Variants in INO80D observed in about 807,000 individuals in gnomAD.
INO80D encodes INO80 complex subunit D.
Under a neutral mutation model 87.6 loss-of-function variants are expected in INO80D, and 21 were observed. The observed-to-expected ratio is 0.24, with a 90% CI of 0.17 to 0.35. INO80D has a LOEUF of 0.35. Ranked by LOEUF, INO80D falls within the 10% of genes least tolerant of loss-of-function variation. INO80D has a pLI of 1.00. For synonymous variants in INO80D, 440 were observed against 491.0 expected (o/e 0.90, Z 1.37); for missense variants, 982 against 1,280.7 (o/e 0.77, Z 3.56).
At chr2:206,029,438 G>A (rs889497192) in intron 5 of INO80D, among the ~76,000 whole-genome samples, 1 of 152,180 alleles carries the variant, frequency 6.6e-6, no homozygotes. Context: ...ACTTTTTACC[G>A]TTAGGAATAA....
chr2:206,016,478 C>A (rs1048123521), intron 8 of INO80D, among the ~76,000 whole-genome samples: 2 of 152,142 alleles, frequency 1.3e-5, no homozygotes, highest in Admixed American at 6.5e-5. Context: ...AGACTTTGGA[C>A]TGTGGACTTT....
At chr2:206,080,825 C>G (rs1296156891) in intron 1 of INO80D, among the ~76,000 whole-genome samples, 1 of 145,154 alleles carries the variant, frequency 6.9e-6, no homozygotes, top group Non-Finnish European at 1.5e-5. Flanking sequence ...ATGGCGTGAA[C>G]CCGGGAGGTG....
intron 1 of INO80D, among the ~76,000 whole-genome samples, chr2:206,078,362 A>G (rs943338853): frequency 2.0e-5 from 3 of 152,164 alleles, no homozygotes; most frequent in African/African-American, 7.2e-5. Flanking sequence ...GATTGCAGTG[A>G]GCTGAGATCG....
At chr2:206,009,450 A>C in intron 9 of INO80D, 127 bp downstream of exon 9, 1 of 745,104 alleles carries the variant, frequency 1.3e-6, no homozygotes, top group Non-Finnish European at 2.1e-6. Flanking sequence ...TATTTAAAAA[A>C]TCTAGGCTGA....
chr2:206,065,918 G>A (rs750233172), intron 1 of INO80D, among the ~76,000 whole-genome samples: 2 of 152,112 alleles, frequency 1.3e-5, no homozygotes, highest in Non-Finnish European at 2.9e-5. Context: ...CAGCAAAAAG[G>A]GAACTCTTGT....
At chr2:206,072,268 TGGGA>T (rs946608107) in intron 1 of INO80D, among the ~76,000 whole-genome samples, 15 of 151,614 alleles carry the variant, frequency 9.9e-5, no homozygotes, top group Admixed American at 9.2e-4. Context: ...TTGGGTTTTT[TGGGA>T]GGGTTTTGTT....
At position 206,005,234 on chromosome 2, in the gene INO80D, T is replaced by C; in HGVS notation, c.2218A>G (p.Thr740Ala). ...AGGGGTGTAGGTGGGTTTGACAAGG[T>C]AGCAGAACGGAGCAGGTTCTCATCC... Reference protein sequence around the residue: ...ELDENLLRSATLSNPPTPLAG... With the variant: ...ELDENLLRSAALSNPPTPLAG... The change falls in exon 11 of 11, where the codon ACC becomes GCC. Residue 740 changes from threonine (T) to alanine (A), a missense_variant. Physicochemically the swap from Thr to Ala is moderately conservative, Grantham distance 58. Coordinates refer to ENST00000403263, the MANE Select transcript of INO80D (RefSeq NM_017759.5). 6.2e-7 allele frequency: 1 copy of C among 1,613,970 alleles called. No homozygotes were observed. Among genetic ancestry groups the C allele is most frequent in the Non-Finnish European group, 8.5e-7 (1 of 1,179,866 alleles).
chr2:206,052,410 G>T (rs950717407), intron 4 of INO80D, among the ~76,000 whole-genome samples: 2 of 151,926 alleles, frequency 1.3e-5, no homozygotes, highest in Non-Finnish European at 2.9e-5. Flanking sequence ...GGCCAAGCTG[G>T]ACTTGAACTC....
At chr2:206,043,333 G>A (rs371247517) in intron 5 of INO80D, among the ~76,000 whole-genome samples, 5 of 151,752 alleles carry the variant, frequency 3.3e-5, no homozygotes, top group Middle Eastern at 3.4e-3. Flanking sequence ...CACCACACCC[G>A]ATTAATTTTT....
At chr2:206,032,921 G>A (rs1159616866) in intron 5 of INO80D, among the ~76,000 whole-genome samples, 3 of 151,932 alleles carry the variant, frequency 2.0e-5, no homozygotes, top group Non-Finnish European at 4.4e-5. Context: ...GTTAGAAAGT[G>A]AAACAAAAAA....
At chr2:206,031,437 G>T (rs1015737944) in intron 5 of INO80D, among the ~76,000 whole-genome samples, 5 of 152,124 alleles carry the variant, frequency 3.3e-5, no homozygotes, top group Non-Finnish European at 7.4e-5. Flanking sequence ...GATCTTAAAG[G>T]GAAGGTAAAG....
chr2:206,033,892 A>G (rs1388346248), intron 5 of INO80D, among the ~76,000 whole-genome samples: 1 of 152,244 alleles, frequency 6.6e-6, no homozygotes, highest in African/African-American at 2.4e-5. Flanking sequence ...TAACCTCAAT[A>G]AGAAACAAAA....
In INO80D at chr2:206,048,082, C is replaced by G. The variant is rs1020582124; in HGVS notation, c.965-1470G>C. Among the ~76,000 whole-genome samples the G allele has an allele frequency of 2.0e-5, 3 of 152,102 alleles. No individual in the cohort carries two copies. In the East Asian group the frequency reaches 5.8e-4, roughly 29 times the overall value. On this transcript the variant is annotated intron_variant, in intron 4 of 10. Transcript: ENST00000403263. ...GTGCTAGCCAGGATGGTCTCGATCT[C>G]CTGACCTTGTGATCCACCCGCCTTG...
Position 206,004,853 on chromosome 2 carries a change from T to C in INO80D, c.2599A>G (p.Met867Val), listed in dbSNP as rs771355741. Residue 867 changes from methionine (M) to valine (V), a missense_variant, in exon 11 of 11, where the codon ATG becomes GTG. Coordinates refer to ENST00000403263, the MANE Select transcript of INO80D (RefSeq NM_017759.5). The surrounding 1 kb of genome is among the most constrained non-coding windows in gnomAD (Gnocchi z 4.9). ...TGGGTTGGGAGCAAGTGCTGCGCCATGATGGGCATCTCTGCTGAAAAGGTA... is the reference window on the plus strand; with the variant it reads ...TGGGTTGGGAGCAAGTGCTGCGCCACGATGGGCATCTCTGCTGAAAAGGTA... ...AATFSAEMPIMAQHLLPTQLE... is the reference protein window; with the variant it reads ...AATFSAEMPIVAQHLLPTQLE... The C allele has an allele frequency of 1.5e-5, 24 of 1,613,866 alleles. No individual in the cohort carries two copies. Among genetic ancestry groups the C allele is most frequent in the South Asian group, 1.3e-4 (12 of 91,086 alleles).
chr2:206,077,809 C>T (rs1690159463), intron 1 of INO80D, among the ~76,000 whole-genome samples: 1 of 152,150 alleles, frequency 6.6e-6, no homozygotes, highest in South Asian at 2.1e-4. Context: ...CCGCCTTCAG[C>T]TAACTGGACC....
chr2:206,057,437 AAGAG>A (rs890178335), intron 3 of INO80D, among the ~76,000 whole-genome samples: 3 of 152,126 alleles, frequency 2.0e-5, no homozygotes, highest in Non-Finnish European at 4.4e-5. Context: ...GAGACAGAGA[AAGAG>A]AGAGAGAATG....
In INO80D at chr2:206,040,818, G is replaced by T. The variant is rs1689028383; in HGVS notation, c.1073+5686C>A. On this transcript the variant is annotated intron_variant, in intron 5 of 10. Transcript: ENST00000403263. ...AGAGATACAAAACGGGCAAGAACAA[G>T]CAGTTCTTCCAGAAGCTACAGTTTT... The T allele has an allele frequency of 1.6e-5, 3 of 186,700 alleles. No homozygotes were observed. The South Asian group carries it at 2.5e-4, about 15-fold the overall frequency. The allele number at this position is 186,700 out of a possible 1,614,324, so 11.6% of individuals were successfully genotyped here.
Position 206,056,383 on chromosome 2 carries a change from T to C in INO80D, c.779A>G (p.His260Arg). 1 of 1,613,848 alleles carries C rather than the reference T, an allele frequency of 6.2e-7. No homozygotes were observed. Among genetic ancestry groups the C allele is most frequent in the Non-Finnish European group, 8.5e-7 (1 of 1,179,816 alleles). Reference protein sequence around the residue: ...HTIAQARQLSHKRPLPLLPSS... With the variant: ...HTIAQARQLSRKRPLPLLPSS... ...TGGCAGGAGGGGCAGAGGCCTCTTG[T>C]GAGACAACTGCCGTGCTTGTGCTAT... Residue 260 changes from histidine to arginine, a missense_variant, in exon 4 of 11, where the codon CAC becomes CGC. Physicochemically the swap from His to Arg is conservative, Grantham distance 29. Transcript: ENST00000403263.
intron 1 of INO80D, among the ~76,000 whole-genome samples, chr2:206,068,913 C>T (rs1689888761): frequency 6.6e-6 from 1 of 152,094 alleles, no homozygotes; most frequent in Admixed American, 6.5e-5. Context: ...GTTGCCTAGG[C>T]TGGTCTTGAA....
Sources: gnomAD v4.1 joint callset for allele counts (sites outside exome capture counted in the v4.1 genomes callset) on GRCh38, gnomAD v4.1.1 for gene constraint, Gnocchi (gnomAD v3.1) non-coding constraint, MANE v1.5 for transcripts, NCBI Gene and HGNC (gene_info 2026-07-23, HGNC 2026-07-21) for gene names.